EXPH5: variants seen among roughly 807,000 people sequenced by gnomAD.
EXPH5 encodes exophilin-5.
Under a neutral mutation model 41.1 loss-of-function variants are expected in EXPH5, and 42 were observed. That is an observed-to-expected ratio of 1.02 (90% confidence interval 0.80 to 1.32). The LOEUF is 1.32. Among genes scored for constraint, EXPH5 ranks in the 40% most tolerant of loss-of-function variants. The probability of loss-of-function intolerance (pLI) is 0.00; values close to 1 mark genes in which losing one functional copy is unlikely to be tolerated. For synonymous variants in EXPH5, 798 were observed against 833.5 expected, an observed-to-expected ratio of 0.96 and a Z score of 0.73; for missense variants, 2,298 against 2,314.5, an observed-to-expected ratio of 0.99 and a Z score of 0.15.
At chr11:108,571,395 G>A (rs896647026) in intron 1 of EXPH5, among the ~76,000 whole-genome samples, 1 of 152,212 alleles carries the variant, frequency 6.6e-6, no homozygotes, top group South Asian at 2.1e-4. Context: ...AGGAGGAAGA[G>A]GCACTGGGAA....
rs1260397377 is a variant in EXPH5, at chr11:108,511,150, C to T, written c.4357G>A (p.Ala1453Thr). 2.5e-6 allele frequency: 4 copies of T among 1,613,496 alleles called. No individual in the cohort carries two copies. Among genetic ancestry groups the T allele is most frequent in the Admixed American group, 3.3e-5 (2 of 59,952 alleles). ...SSWECTGSGR[A>T]IPFTGSGKCP... ...TTGCCACTTCCAGTAAATGGAATGG[C>T]TCTACCACTCCCTGTACACTCCCAA... The change falls in exon 6 of 6, where the codon GCC becomes ACC. Residue 1453 changes from alanine to threonine, a missense_variant. Transcript: ENST00000265843.
intron 1 of EXPH5, among the ~76,000 whole-genome samples, chr11:108,558,234 C>T (rs112398494): frequency 0.028 from 4,228 of 152,264 alleles, 179 homozygotes; most frequent in African/African-American, 0.092. Context: ...TCAGCCACTG[C>T]GCCCAGCTCC....
At chr11:108,598,484 T>C (rs2094141720), upstream of EXPH5, among the ~76,000 whole-genome samples, 1 of 151,900 alleles carries the variant, frequency 6.6e-6, no homozygotes, top group East Asian at 1.9e-4. Flanking sequence ...AATACATTAG[T>C]AAATAAATAA....
chr11:108,607,047 C>T, the EXPH5 span, among the ~76,000 whole-genome samples: 4 of 151,992 alleles, frequency 2.6e-5, no homozygotes, highest in East Asian at 1.9e-4. Flanking sequence ...AATAGGAATC[C>T]GAGAACAAAC....
In EXPH5 at chr11:108,505,654, A is replaced by G. The variant is rs2093640645; in HGVS notation, c.*3883T>C. ...AATACAGCCACAAACTTGCCTGGGA[A>G]GTAAAATATTTTACATATTTACACT... On this transcript the variant is annotated 3_prime_UTR_variant, in exon 6 of 6. Transcript: ENST00000265843. 1 of 152,242 alleles carries G rather than the reference A, an allele frequency of 6.6e-6. No individual in the cohort carries two copies. The highest frequency in any genetic ancestry group is 1.5e-5 in the Non-Finnish European group (1 of 68,036). 9.4% of individuals were successfully genotyped at this position (152,242 alleles called of 1,614,324 possible).
chr11:108,591,978 ACT>A (rs1198061801), intron 1 of EXPH5, among the ~76,000 whole-genome samples: 1 of 152,200 alleles, frequency 6.6e-6, no homozygotes, highest in Non-Finnish European at 1.5e-5. Flanking sequence ...AATAACACAC[ACT>A]GAGAATAACC....
intron 1 of EXPH5, among the ~76,000 whole-genome samples, chr11:108,550,554 G>A (rs760677134): frequency 1.3e-5 from 2 of 152,244 alleles, no homozygotes; most frequent in Non-Finnish European, 1.5e-5. Context: ...CGAGGCAGAC[G>A]GATCATTTGA....
rs767415161 is a variant in EXPH5, at chr11:108,510,308, T to C, written c.5199A>G (p.Ser1733=). 1.7e-5 allele frequency: 27 copies of C among 1,614,148 alleles called. 1 individual carries two copies. In the South Asian group the frequency reaches 2.9e-4, roughly 17 times the overall value. The change falls in exon 6 of 6, where the codon TCA becomes TCG. Residue 1733 remains serine (S), a synonymous_variant. Coordinates refer to ENST00000265843, the MANE Select transcript of EXPH5 (RefSeq NM_015065.3). ...QNLVRESGAP[S]PITFTSLREA... is the part of the protein sequence containing the mutation. ...CCCTGAGGCTGGTGAATGTGATGGG[T>C]GATGGGGCTCCTGATTCTCTTACTA...
intron 1 of EXPH5, among the ~76,000 whole-genome samples, chr11:108,558,709 T>C (rs1188719158): frequency 6.6e-6 from 1 of 152,176 alleles, no homozygotes; most frequent in Non-Finnish European, 1.5e-5. Flanking sequence ...ATGAAGGCAA[T>C]ATTTGGTATC....
intron 3 of EXPH5, among the ~76,000 whole-genome samples, chr11:108,532,359 T>C (rs1318812655): frequency 2.5e-4 from 5 of 20,082 alleles, no homozygotes; most frequent in African/African-American, 1.4e-3. Flanking sequence ...TATATATATA[T>C]ATATATATTT....
At chr11:108,567,332 A>G (rs1305876065) in intron 1 of EXPH5, among the ~76,000 whole-genome samples, 1 of 152,250 alleles carries the variant, frequency 6.6e-6, no homozygotes, top group Non-Finnish European at 1.5e-5. Context: ...GTTATGTAGA[A>G]TTGGTTTAAT....
intron 4 of EXPH5, among the ~76,000 whole-genome samples, chr11:108,518,744 G>A (rs916552713): frequency 6.6e-6 from 1 of 152,158 alleles, no homozygotes; most frequent in African/African-American, 2.4e-5. Flanking sequence ...GCCGGTTAAG[G>A]CATTCTAAGT....
chr11:108,532,426 G>C (rs1399120581), intron 3 of EXPH5, among the ~76,000 whole-genome samples: 7 of 127,210 alleles, frequency 5.5e-5, no homozygotes, highest in African/African-American at 1.9e-4. Context: ...CGTTGGCCAG[G>C]CTGGTCTTGA....
intron 5 of EXPH5, among the ~76,000 whole-genome samples, chr11:108,517,045 T>A (rs555191323): frequency 3.6e-4 from 55 of 152,232 alleles, no homozygotes; most frequent in Non-Finnish European, 7.1e-4. Context: ...AAGAGCAGAA[T>A]GTATTTAGAA....
At chr11:108,519,241 T>A (rs2093748349) in intron 4 of EXPH5, among the ~76,000 whole-genome samples, 1 of 152,056 alleles carries the variant, frequency 6.6e-6, no homozygotes, top group South Asian at 2.1e-4. Flanking sequence ...AAGGAAACCT[T>A]CCAACCAAAG....
the EXPH5 span, among the ~76,000 whole-genome samples, chr11:108,599,269 G>A: frequency 6.6e-6 from 1 of 151,414 alleles, no homozygotes; most frequent in Non-Finnish European, 1.5e-5. Context: ...TGACACCAAA[G>A]TGGTAAAAGA....
At chr11:108,520,160 G>A (rs562183528) in intron 4 of EXPH5, among the ~76,000 whole-genome samples, 1 of 152,234 alleles carries the variant, frequency 6.6e-6, no homozygotes, top group African/African-American at 2.4e-5. Flanking sequence ...GATCAGCCCT[G>A]GGATTAGGCG....
chr11:108,562,599 A>T (rs1239243762), intron 1 of EXPH5, among the ~76,000 whole-genome samples: 1 of 152,090 alleles, frequency 6.6e-6, no homozygotes, highest in East Asian at 1.9e-4. Flanking sequence ...GCAGAGCAAG[A>T]CGCTGTTTCA....
intron 3 of EXPH5, among the ~76,000 whole-genome samples, chr11:108,531,648 G>A (rs1252614767): frequency 6.6e-6 from 1 of 152,058 alleles, no homozygotes; most frequent in Non-Finnish European, 1.5e-5. Context: ...TCACTCAATA[G>A]AGTAGGATGG....
Sources: allele counts gnomAD v4.1 joint callset (sites outside exome capture counted in the v4.1 genomes callset), GRCh38; gene constraint gnomAD v4.1.1; transcripts MANE v1.5; gene names NCBI Gene and HGNC (gene_info 2026-07-23, HGNC 2026-07-21).